LRP1B: variants seen among roughly 807,000 people sequenced by gnomAD.
LRP1B encodes the protein LDL receptor related protein 1B.
LRP1B carries 217 observed loss-of-function variants against 556.6 expected under a neutral mutation model. The ratio of observed to expected loss-of-function variants is 0.39; its 90% CI spans 0.35 to 0.44. The LOEUF (loss-of-function observed/expected upper bound fraction) is 0.44, where lower values mean the gene tolerates loss of function less well. Ranked by LOEUF, LRP1B falls within the 20% of genes least tolerant of loss-of-function variation. The pLI, the probability that LRP1B is intolerant of heterozygous loss-of-function variation, is 1.00. For synonymous variants in LRP1B, 2,047 were observed against 1,865.8 expected (o/e 1.10, Z -2.50); for missense variants, 5,053 against 5,620.8 (o/e 0.90, Z 3.23).
At chr2:141,505,590 A>T (rs906949886) in intron 2 of LRP1B, among the ~76,000 whole-genome samples, 4 of 152,100 alleles carry the variant, frequency 2.6e-5, no homozygotes, top group African/African-American at 7.2e-5. Flanking sequence ...AAATTATTCA[A>T]CATATACCTG....
Position 141,992,419 on chromosome 2 carries a change from T to C in LRP1B, c.82+138229A>G, listed in dbSNP as rs548461052. On this transcript the variant is annotated intron_variant, in intron 1 of 90. Coordinates refer to ENST00000389484, the MANE Select transcript of LRP1B (RefSeq NM_018557.3). ...CATTGCCCCCATTAATTGGAATAGA[T>C]GGTTTTCCCAAAGGCCTGACTTTTT... 2.0e-5 allele frequency among the ~76,000 whole-genome samples: 3 copies of C among 152,254 alleles called. No homozygotes were observed. The South Asian group carries it at 6.2e-4, about 32-fold the overall frequency.
chr2:141,985,508 T>C (rs1444247497), intron 1 of LRP1B, among the ~76,000 whole-genome samples: 2 of 144,450 alleles, frequency 1.4e-5, no homozygotes, highest in Non-Finnish European at 3.1e-5. Flanking sequence ...CGAGAATTTT[T>C]ATTTTTTTGG....
intron 86 of LRP1B, among the ~76,000 whole-genome samples, chr2:140,253,214 C>A (rs1681530715): frequency 6.6e-6 from 1 of 151,876 alleles, no homozygotes; most frequent in Admixed American, 6.6e-5. Flanking sequence ...CTGATAAGAT[C>A]AGTAAGTCAA....
intron 18 of LRP1B, among the ~76,000 whole-genome samples, chr2:140,980,472 G>T (rs1696733962): frequency 6.6e-6 from 1 of 152,144 alleles, no homozygotes; most frequent in African/African-American, 2.4e-5. Context: ...ATTGTCTATT[G>T]TGTGGTTCTC....
intron 57 of LRP1B, 144 bp downstream of exon 57, chr2:140,492,464 C>A (rs1469597867): frequency 3.4e-6 from 2 of 587,904 alleles, no homozygotes; most frequent in Non-Finnish European, 6.0e-6. Context: ...AGAACAGATA[C>A]AAACTAAATA....
chr2:141,961,205 T>G (rs1338262280), intron 1 of LRP1B, among the ~76,000 whole-genome samples: 1 of 151,530 alleles, frequency 6.6e-6, no homozygotes, highest in Non-Finnish European at 1.5e-5. Context: ...TTTTTCAGAG[T>G]CATTGCAACA....
At chr2:141,890,374 G>T (rs78391495) in intron 1 of LRP1B, among the ~76,000 whole-genome samples, 50,171 of 118,386 alleles carry the variant, frequency 0.42, 10,700 homozygotes, top group Middle Eastern at 0.52. Context: ...TATATATATA[G>T]TGTGTATACA....
intron 51 of LRP1B, among the ~76,000 whole-genome samples, chr2:140,513,792 T>C (rs1320704809): frequency 6.6e-6 from 1 of 152,034 alleles, no homozygotes; most frequent in African/African-American, 2.4e-5. Flanking sequence ...TACACCTTAT[T>C]CTATGACTTG....
intron 41 of LRP1B, among the ~76,000 whole-genome samples, chr2:140,667,208 T>C (rs574422799): frequency 6.6e-6 from 1 of 152,210 alleles, no homozygotes; most frequent in East Asian, 1.9e-4. Flanking sequence ...AAGAAATAAA[T>C]ATTGAATAAA....
intron 2 of LRP1B, among the ~76,000 whole-genome samples, chr2:141,743,103 G>A (rs1210336247): frequency 6.6e-6 from 1 of 151,674 alleles, no homozygotes; most frequent in Non-Finnish European, 1.5e-5. Flanking sequence ...TCTTTTGCTT[G>A]GATGATTGTT....
At position 140,370,718 on chromosome 2, in the gene LRP1B, C is replaced by T. The variant is rs2105164735; in HGVS notation, c.11000G>A (p.Cys3667Tyr). Residue 3667 changes from cysteine (C) to tyrosine (Y), a missense_variant, in exon 71 of 91, where the codon TGT becomes TAT. Physicochemically the swap from Cys to Tyr is radical, Grantham distance 194. This residue lies in a region of LRP1B where 599 missense variants were observed against 648.4 expected (regional missense o/e 0.92). Transcript: ENST00000389484. Reference sequence around the variant, plus strand: ...ACACAAAAATACCTTACCTCTTTCACAGTTCTCTTCATCACTGCCATCCAC... The same window carrying T: ...ACACAAAAATACCTTACCTCTTTCATAGTTCTCTTCATCACTGCCATCCAC... The part of the protein sequence containing the change: ...DCVDGSDEEN[C>Y]ERGGNICRAD... 3 of 1,612,476 alleles carry T rather than the reference C, an allele frequency of 1.9e-6. No homozygotes were observed. The highest frequency in any genetic ancestry group is 1.7e-6 in the Non-Finnish European group (2 of 1,178,910).
At chr2:141,821,326 T>C (rs1696745706) in intron 1 of LRP1B, among the ~76,000 whole-genome samples, 1 of 152,234 alleles carries the variant, frequency 6.6e-6, no homozygotes, top group African/African-American at 2.4e-5. Flanking sequence ...AAGCCTCATC[T>C]AATGAGTAAG....
chr2:142,075,213 G>A (rs896094368), intron 1 of LRP1B, among the ~76,000 whole-genome samples: 1 of 151,994 alleles, frequency 6.6e-6, no homozygotes, highest in African/African-American at 2.4e-5. Flanking sequence ...TAATAGGAAA[G>A]GTATAGGCTT....
chr2:140,795,028 T>C (rs1690256087), intron 32 of LRP1B, among the ~76,000 whole-genome samples: 1 of 152,210 alleles, frequency 6.6e-6, no homozygotes, highest in South Asian at 2.1e-4. Flanking sequence ...AAGACAATAC[T>C]AGAGATAATG....
At chr2:141,050,970 A>T (rs2105448990) in intron 10 of LRP1B, among the ~76,000 whole-genome samples, 1 of 152,276 alleles carries the variant, frequency 6.6e-6, no homozygotes, top group South Asian at 2.1e-4. Context: ...TGGGCAAAGG[A>T]TATGAACAGA....
intron 2 of LRP1B, among the ~76,000 whole-genome samples, chr2:141,574,826 G>T (rs1450254894): frequency 1.3e-5 from 2 of 151,952 alleles, no homozygotes; most frequent in African/African-American, 4.8e-5. Context: ...CAAGCAGAGG[G>T]CCAAATCATG....
At chr2:141,089,410 G>A (rs3845641) in intron 7 of LRP1B, among the ~76,000 whole-genome samples, 55,359 of 151,966 alleles carry the variant, frequency 0.36, 10,491 homozygotes, top group East Asian at 0.67. Context: ...GATCTGTATC[G>A]GAGAGTAATT....
At chr2:141,458,486 T>C (rs934752593) in intron 3 of LRP1B, among the ~76,000 whole-genome samples, 1 of 152,160 alleles carries the variant, frequency 6.6e-6, no homozygotes, top group Non-Finnish European at 1.5e-5. Flanking sequence ...CTAATCTAAA[T>C]TGGTAGAAAA....
chr2:141,369,207 TTAAG>T (rs1380738566), intron 3 of LRP1B, among the ~76,000 whole-genome samples: 1 of 152,164 alleles, frequency 6.6e-6, no homozygotes, highest in Non-Finnish European at 1.5e-5. Flanking sequence ...ATTTAAGATC[TTAAG>T]TAAAATGGAT....
Sources: allele counts gnomAD v4.1 joint callset (sites outside exome capture counted in the v4.1 genomes callset), GRCh38; gene constraint gnomAD v4.1.1; regional missense constraint gnomAD v4.1.1; transcripts MANE v1.5; gene names NCBI Gene and HGNC (gene_info 2026-07-23, HGNC 2026-07-21).